Variants in MAL observed in about 807,000 individuals in gnomAD.
MAL encodes myelin and lymphocyte protein.
In MAL, 5 loss-of-function variants were observed where a neutral mutation model predicts 16.7. The ratio of observed to expected loss-of-function variants is 0.30; its 90% CI spans 0.16 to 0.63. The LOEUF is 0.63. Among genes scored for constraint, MAL ranks in the 30% least tolerant of loss-of-function variants. The probability of loss-of-function intolerance (pLI) is 0.82; values close to 1 mark genes in which losing one functional copy is unlikely to be tolerated. For missense variants in MAL, 202 were observed against 195.8 expected (o/e 1.03, Z -0.19); for synonymous variants, 96 against 85.5 (o/e 1.12, Z -0.67).
At position 95,048,561 on chromosome 2, in the gene MAL, C is replaced by T. The variant is rs1309801978; in HGVS notation, c.261+435C>T. On this transcript the variant is annotated intron_variant, in intron 2 of 3. Coordinates refer to ENST00000309988, the MANE Select transcript of MAL (RefSeq NM_002371.4). ...CATGCTTACTGTCCAGCTCCTCAGC[C>T]ACTGCCTTCCAAGCAGGGCTGCCAG... 4.6e-5 allele frequency among the ~76,000 whole-genome samples: 7 copies of T among 152,338 alleles called. No individual in the cohort carries two copies. The East Asian group carries it at 9.7e-4, about 21-fold the overall frequency.
intron 1 of MAL, among the ~76,000 whole-genome samples, chr2:95,033,951 C>G (rs1442176166): frequency 6.6e-6 from 1 of 152,220 alleles, no homozygotes; most frequent in African/African-American, 2.4e-5. Flanking sequence ...AAAATTTGGA[C>G]ATAGCAGCAC....
intron 1 of MAL, among the ~76,000 whole-genome samples, chr2:95,043,563 C>T (rs1350869837): frequency 2.0e-5 from 3 of 152,150 alleles, no homozygotes; most frequent in African/African-American, 4.8e-5. Flanking sequence ...GCTGGCAGGG[C>T]GCCTCTGCAT....
chr2:95,033,687 G>A (rs1674140189), intron 1 of MAL, among the ~76,000 whole-genome samples: 1 of 152,200 alleles, frequency 6.6e-6, no homozygotes, highest in South Asian at 2.1e-4. Flanking sequence ...GCTGGGATGG[G>A]AGGATTGCTT....
chr2:95,038,528 CTGAG>C (rs1218502445), intron 1 of MAL, among the ~76,000 whole-genome samples: 3 of 61,792 alleles, frequency 4.9e-5, no homozygotes, highest in African/African-American at 1.3e-4. Context: ...GAGTGAGTGA[CTGAG>C]TGAGTGACTG....
intron 1 of MAL, among the ~76,000 whole-genome samples, chr2:95,035,676 T>A (rs911598752): frequency 6.6e-6 from 1 of 150,720 alleles, no homozygotes; most frequent in African/African-American, 2.4e-5. Context: ...GATTTTTTTT[T>A]TTTTTTTTTT....
intron 3 of MAL, among the ~76,000 whole-genome samples, chr2:95,052,335 C>T (rs1177917600): frequency 6.6e-6 from 1 of 152,210 alleles, no homozygotes; most frequent in Non-Finnish European, 1.5e-5. Flanking sequence ...GGTGCTTCTG[C>T]CAAAGGCTTT....
intron 1 of MAL, among the ~76,000 whole-genome samples, chr2:95,041,319 A>G (rs1328937628): frequency 6.6e-6 from 1 of 152,194 alleles, no homozygotes; most frequent in African/African-American, 2.4e-5. Context: ...TGTGCGGGTC[A>G]GGCACATTTT....
At position 95,038,200 on chromosome 2, in the gene MAL, G is replaced by C. The variant is rs561355680; in HGVS notation, c.94-9759G>C. 4.0e-3 allele frequency among the ~76,000 whole-genome samples: 561 copies of C among 139,602 alleles called. 22 individuals are homozygous for C. Among genetic ancestry groups the C allele is most frequent in the Non-Finnish European group, 6.3e-3 (410 of 64,726 alleles). The allele number at this position is 139,602 out of a possible 152,430, so 91.6% of individuals were successfully genotyped here. On this transcript the variant is annotated intron_variant, in intron 1 of 3. Transcript: ENST00000309988. Reference sequence around the variant, plus strand: ...AGTGACTGTGTGAGTTACTGAGTGAGTGAGTGAGTGACTCAGTGAGTGAGT... The same window carrying C: ...AGTGACTGTGTGAGTTACTGAGTGACTGAGTGAGTGACTCAGTGAGTGAGT...
Position 95,025,864 on chromosome 2 carries a change from C to T in MAL, c.72C>T (p.Asp24=). ...TCTCGGTCTTCACCACCTTGCCCGACTTGCTCTTCATCTTTGAGTTTGTGA... is the reference window on the plus strand; with the variant it reads ...TCTCGGTCTTCACCACCTTGCCCGATTTGCTCTTCATCTTTGAGTTTGTGA... ...SGFSVFTTLP[D]LLFIFEFIFG... Residue 24 remains aspartate (D), a synonymous_variant, in exon 1 of 4, where the codon GAC becomes GAT. Transcript: ENST00000309988. This position sits in a 1 kb window ranked among gnomAD's most constrained non-coding sequence, Gnocchi z 5.6. 1 of 1,574,838 alleles carries T rather than the reference C, an allele frequency of 6.3e-7. No individual in the cohort carries two copies. Among genetic ancestry groups the T allele is most frequent in the Non-Finnish European group, 8.6e-7 (1 of 1,161,120 alleles).
intron 2 of MAL, 76 bp from the exon 3 acceptor site, chr2:95,049,505 G>A: frequency 1.3e-6 from 2 of 1,572,374 alleles, no homozygotes; most frequent in Non-Finnish European, 1.7e-6. Flanking sequence ...AGGGGCGGGG[G>A]TGGAGGGGAC....
At chr2:95,046,179 G>A (rs1674581404) in intron 1 of MAL, among the ~76,000 whole-genome samples, 1 of 152,240 alleles carries the variant, frequency 6.6e-6, no homozygotes, top group South Asian at 2.1e-4. Flanking sequence ...TCACCCAGCA[G>A]GTGGGCAGCA....
chr2:95,053,301 C>G (rs950696516), intron 3 of MAL, 80 bp from the exon 4 acceptor site: 1 of 974,236 alleles, frequency 1.0e-6, no homozygotes, highest in Admixed American at 1.7e-5. Context: ...CCCTACGCCA[C>G]GTGGGGCTGG....
In MAL at chr2:95,044,036, G is replaced by A. The variant is rs535876466; in HGVS notation, c.94-3923G>A. On this transcript the variant is annotated intron_variant, in intron 1 of 3. Transcript: ENST00000309988. Reference sequence around the variant, plus strand: ...AGGGACATGAGACACACTCACCCAGGGCCCCCTGAATGGTGGGGTCCAAAA... The same window carrying A: ...AGGGACATGAGACACACTCACCCAGAGCCCCCTGAATGGTGGGGTCCAAAA... Among the ~76,000 whole-genome samples the A allele has an allele frequency of 2.6e-5, 4 of 152,306 alleles. No individual in the cohort carries two copies. In the East Asian group the frequency reaches 7.7e-4, roughly 29 times the overall value.
intron 1 of MAL, among the ~76,000 whole-genome samples, chr2:95,036,273 G>A (rs189992320): frequency 3.9e-5 from 6 of 152,222 alleles, no homozygotes; most frequent in African/African-American, 9.6e-5. Flanking sequence ...GCAGGGAGAG[G>A]GTCACCACCC....
At position 95,053,577 on chromosome 2, in the gene MAL, C is replaced by A. The variant is rs565073649; in HGVS notation, c.*122C>A. 1.2e-5 allele frequency: 9 copies of A among 740,244 alleles called. No homozygotes were observed. The highest frequency in any genetic ancestry group is 5.3e-5 in the African/African-American group (3 of 56,496). The allele number at this position is 740,244 out of a possible 1,614,324, so 45.9% of individuals were successfully genotyped here. On this transcript the variant is annotated 3_prime_UTR_variant, in exon 4 of 4. Transcript: ENST00000309988. ...TGGAAAAAAGAAAACAACCACCCCC[C>A]CACTGCCCAAAAAAAAAAGCCCTGC...
rs1255125752 is a variant in MAL, at chr2:95,030,397, A to T, written c.93+4512A>T. Among the ~76,000 whole-genome samples, 4 of 152,192 alleles carry T rather than the reference A, an allele frequency of 2.6e-5. No homozygotes were observed. In the East Asian group the frequency reaches 7.7e-4, roughly 29 times the overall value. ...TGCTTCTCGTCTGCTCCCCTGCAAA[A>T]GTCCCACCCAGTGAGGAACTTTTCC... is the stretch of plus-strand genomic sequence containing the variant. On this transcript the variant is annotated intron_variant, in intron 1 of 3. Transcript: ENST00000309988.
rs1207686649 is a variant in MAL, at chr2:95,043,989, A to C, written c.94-3970A>C. ...CGTCCCTAGGAACGTGGTTCCTCAGAGGCTTCTGGGTTGGAGGCTCCAGGG... is the reference window on the plus strand; with the variant it reads ...CGTCCCTAGGAACGTGGTTCCTCAGCGGCTTCTGGGTTGGAGGCTCCAGGG... On this transcript the variant is annotated intron_variant, in intron 1 of 3. Transcript: ENST00000309988. 2.0e-5 allele frequency among the ~76,000 whole-genome samples: 3 copies of C among 152,186 alleles called. No homozygotes were observed. The East Asian group carries it at 5.8e-4, about 29-fold the overall frequency.
At chr2:95,046,873 A>AAGGGAGAGAGAGAGAGAAAAGAAAGAG (rs1674597502) in intron 1 of MAL, among the ~76,000 whole-genome samples, 1 of 150,878 alleles carries the variant, frequency 6.6e-6, no homozygotes, top group Non-Finnish European at 1.5e-5. Flanking sequence ...GAGAAAGAGA[A>AAGGGAGAGAGAGAGAGAAAAGAAAGAG]AGGGAGAGAG....
At chr2:95,032,248 A>C (rs1256502571) in intron 1 of MAL, among the ~76,000 whole-genome samples, 1 of 152,260 alleles carries the variant, frequency 6.6e-6, no homozygotes, top group Non-Finnish European at 1.5e-5. Flanking sequence ...CGAGGGGCAG[A>C]GCATATTGTG....
Sources: allele counts gnomAD v4.1 joint callset (sites outside exome capture counted in the v4.1 genomes callset), GRCh38; gene constraint gnomAD v4.1.1; non-coding constraint Gnocchi (gnomAD v3.1); transcripts MANE v1.5; gene names NCBI Gene and HGNC (gene_info 2026-07-23, HGNC 2026-07-21).